CDH8: variants seen among roughly 807,000 people sequenced by gnomAD.
CDH8 encodes cadherin 8, also known as cadherin-8.
In CDH8, 17 loss-of-function variants were observed where a neutral mutation model predicts 68.1. The observed-to-expected ratio is 0.25, with a 90% CI of 0.17 to 0.37. The LOEUF is 0.37. CDH8 is among the 10% of genes least tolerant of loss of function. CDH8 has a pLI of 1.00. For synonymous variants in CDH8, 372 were observed against 365.1 expected, an observed-to-expected ratio of 1.02 and a Z score of -0.21; for missense variants, 763 against 999.3, an observed-to-expected ratio of 0.76 and a Z score of 3.19.
chr16:61,667,396 A>G (rs1376066268), intron 10 of CDH8: 2 of 152,046 alleles, frequency 1.3e-5, no homozygotes, highest in Non-Finnish European at 2.9e-5. Context: ...ACAATTATAC[A>G]CAAAATGAAT....
At chr16:61,915,815 C>A (rs1391723112) in intron 2 of CDH8, among the ~76,000 whole-genome samples, 1 of 152,108 alleles carries the variant, frequency 6.6e-6, no homozygotes, top group African/African-American at 2.4e-5. Flanking sequence ...TGGAACAGAA[C>A]TTCCCCTTTC....
chr16:61,696,133 C>T (rs1450627610), intron 10 of CDH8, among the ~76,000 whole-genome samples: 1 of 152,200 alleles, frequency 6.6e-6, no homozygotes, highest in Non-Finnish European at 1.5e-5. Flanking sequence ...TACTGAAAAG[C>T]TTCCCAAGGG....
chr16:61,985,034 A>G (rs1003537641), intron 2 of CDH8, among the ~76,000 whole-genome samples: 9 of 151,940 alleles, frequency 5.9e-5, no homozygotes, highest in Non-Finnish European at 8.8e-5. Flanking sequence ...AGTGAGTACA[A>G]CTGTATATAT....
chr16:61,927,445 T>C (rs144167861), intron 2 of CDH8, among the ~76,000 whole-genome samples: 30 of 152,268 alleles, frequency 2.0e-4, no homozygotes, highest in African/African-American at 7.2e-4. Context: ...TGTATATTTA[T>C]AAGTATAAAT....
chr16:61,957,646 T>A (rs562622761), intron 2 of CDH8, among the ~76,000 whole-genome samples: 7 of 152,318 alleles, frequency 4.6e-5, no homozygotes, highest in Non-Finnish European at 1.0e-4. Flanking sequence ...ATTCATTGAC[T>A]CTGTTCCAGC....
Position 61,925,424 on chromosome 16 carries a change from T to A in CDH8, c.253-23951A>T, listed in dbSNP as rs3784849. ...AATACTATATTATTACAGAAAATAT[T>A]GAGTAGCTCAAAAGCACAAGGCTCA... On this transcript the variant is annotated intron_variant, in intron 2 of 11. Coordinates refer to ENST00000577390, the MANE Select transcript of CDH8 (RefSeq NM_001796.5). 1.8e-4 allele frequency among the ~76,000 whole-genome samples: 27 copies of A among 152,298 alleles called. No homozygotes were observed. In the East Asian group the frequency reaches 5.2e-3, roughly 29 times the overall value.
intron 10 of CDH8, among the ~76,000 whole-genome samples, chr16:61,658,557 CA>C (rs1243189711): frequency 6.6e-6 from 1 of 152,004 alleles, no homozygotes; most frequent in Non-Finnish European, 1.5e-5. Context: ...TATGCATCCT[CA>C]TTCTTTTAAG....
chr16:61,706,620 C>CAAAAAAAATAA (rs1964539449), intron 10 of CDH8, among the ~76,000 whole-genome samples: 1 of 60,402 alleles, frequency 1.7e-5, no homozygotes, highest in Non-Finnish European at 3.0e-5. Flanking sequence ...GACTCTGTCT[C>CAAAAAAAATAA]AAAAAAAAAA....
At chr16:61,904,312 TATC>T (rs1412295558) in intron 2 of CDH8, among the ~76,000 whole-genome samples, 3 of 152,198 alleles carry the variant, frequency 2.0e-5, no homozygotes, top group Non-Finnish European at 4.4e-5. Context: ...AAGTGTGTCA[TATC>T]ATATTCACTT....
intron 2 of CDH8, among the ~76,000 whole-genome samples, chr16:62,020,677 A>G (rs916629839): frequency 6.6e-6 from 1 of 152,222 alleles, no homozygotes. Context: ...CAATTATTGA[A>G]AAAGCAGATG....
intron 6 of CDH8, among the ~76,000 whole-genome samples, chr16:61,819,380 T>C (rs143495426): frequency 5.2e-4 from 79 of 152,002 alleles, no homozygotes; most frequent in African/African-American, 1.8e-3. Flanking sequence ...CAGCACTTTA[T>C]GGCAAAAAAA....
At position 61,718,562 on chromosome 16, in the gene CDH8, CATA is replaced by C. The variant is rs1348126452; in HGVS notation, c.1537-4607_1537-4605del. Among the ~76,000 whole-genome samples the C allele has an allele frequency of 2.6e-4, 39 of 151,286 alleles. No homozygotes were observed. In the Admixed American group the frequency reaches 2.6e-3, roughly 10 times the overall value. Reference sequence around the variant, plus strand: ...GTTACGGTCGATGAAGAAGGAACAGCATAATGTTTGGCTTTCTATTAATTCTAT... The same window carrying C: ...GTTACGGTCGATGAAGAAGGAACAGCATGTTTGGCTTTCTATTAATTCTAT... On this transcript the variant is annotated intron_variant, in intron 9 of 11. Transcript: ENST00000577390.
At chr16:61,947,666 T>TTTCTTG (rs1964821794) in intron 2 of CDH8, among the ~76,000 whole-genome samples, 1 of 152,232 alleles carries the variant, frequency 6.6e-6, no homozygotes, top group African/African-American at 2.4e-5. Flanking sequence ...ATGTGATTTT[T>TTTCTTG]TTCTTGTTCT....
chr16:61,953,655 C>A (rs567487370), intron 2 of CDH8, among the ~76,000 whole-genome samples: 1 of 151,080 alleles, frequency 6.6e-6, no homozygotes, highest in East Asian at 2.0e-4. Flanking sequence ...ATTGCTTGAG[C>A]CCAGGAATTC....
intron 3 of CDH8, among the ~76,000 whole-genome samples, chr16:61,899,851 C>T (rs1963937228): frequency 6.6e-6 from 1 of 151,900 alleles, no homozygotes; most frequent in Admixed American, 6.6e-5. Context: ...CACACACACA[C>T]ACACACACAC....
intron 4 of CDH8, among the ~76,000 whole-genome samples, chr16:61,852,597 C>G (rs8058744): frequency 0.54 from 82,073 of 151,808 alleles, 24,597 homozygotes; most frequent in African/African-American, 0.82. Context: ...ATGAATGCTG[C>G]TCCTAAATGA....
chr16:61,676,394 A>G (rs1963911703), intron 10 of CDH8, among the ~76,000 whole-genome samples: 1 of 151,966 alleles, frequency 6.6e-6, no homozygotes, highest in Non-Finnish European at 1.5e-5. Context: ...GAAAAGGTCA[A>G]TTAAATAAGA....
At chr16:61,853,033 T>C (rs1962974022) in intron 4 of CDH8, among the ~76,000 whole-genome samples, 1 of 151,924 alleles carries the variant, frequency 6.6e-6, no homozygotes. Context: ...CAAGCCCCCT[T>C]CTTTCCTGGA....
chr16:61,710,483 A>G (rs1964611139), intron 10 of CDH8, among the ~76,000 whole-genome samples: 1 of 152,086 alleles, frequency 6.6e-6, no homozygotes, highest in South Asian at 2.1e-4. Context: ...CTTCTTATCA[A>G]CAATATTTCA....
Sources: allele counts gnomAD v4.1 joint callset (sites outside exome capture counted in the v4.1 genomes callset), GRCh38; gene constraint gnomAD v4.1.1; transcripts MANE v1.5; gene names NCBI Gene and HGNC (gene_info 2026-07-23, HGNC 2026-07-21).